The following XYLT1 variants were observed in gnomAD, a reference collection of about 807,000 sequenced individuals.
XYLT1 encodes xylosyltransferase 1.
In XYLT1, 36 loss-of-function variants were observed where a neutral mutation model predicts 91.3. The observed-to-expected ratio is 0.39, with a 90% CI of 0.30 to 0.52. XYLT1 has a LOEUF of 0.52. Among genes scored for constraint, XYLT1 ranks in the 20% least tolerant of loss-of-function variants. The pLI is 0.68. For missense variants in XYLT1, 1,242 were observed against 1,284.5 expected, an observed-to-expected ratio of 0.97 and a Z score of 0.51; for synonymous variants, 588 against 532.0, an observed-to-expected ratio of 1.11 and a Z score of -1.45.
chr16:17,356,291 C>T (rs1480267225), intron 2 of XYLT1, among the ~76,000 whole-genome samples: 2 of 152,086 alleles, frequency 1.3e-5, no homozygotes, highest in African/African-American at 4.8e-5. Context: ...ATGAAATTTA[C>T]ATAAGGCAAA....
chr16:17,297,031 T>C (rs2034322423), intron 2 of XYLT1, among the ~76,000 whole-genome samples: 2 of 152,238 alleles, frequency 1.3e-5, no homozygotes, highest in African/African-American at 4.8e-5. Flanking sequence ...GTGACTCTTG[T>C]GAGCTAGACA....
intron 3 of XYLT1, among the ~76,000 whole-genome samples, chr16:17,233,861 C>T (rs1423649714): frequency 6.6e-6 from 1 of 152,126 alleles, no homozygotes; most frequent in Non-Finnish European, 1.5e-5. Context: ...ATAAATACCA[C>T]CAGTGTATGA....
intron 3 of XYLT1, among the ~76,000 whole-genome samples, chr16:17,232,105 A>G (rs1441000107): frequency 6.8e-6 from 1 of 146,042 alleles, no homozygotes; most frequent in Non-Finnish European, 1.5e-5. Context: ...TATTATATAT[A>G]ATCGATAATT....
At chr16:17,441,682 T>C (rs926920341) in intron 1 of XYLT1, among the ~76,000 whole-genome samples, 42 of 152,154 alleles carry the variant, frequency 2.8e-4, no homozygotes, top group African/African-American at 9.9e-4. Flanking sequence ...GTACTCTAAG[T>C]AGCAATCGCA....
At chr16:17,229,770 G>A (rs2033131121) in intron 3 of XYLT1, among the ~76,000 whole-genome samples, 1 of 152,204 alleles carries the variant, frequency 6.6e-6, no homozygotes. Context: ...AAAAAAATAA[G>A]CTGTATGTGA....
At chr16:17,162,573 G>A (rs564460362) in intron 5 of XYLT1, among the ~76,000 whole-genome samples, 365 of 152,242 alleles carry the variant, frequency 2.4e-3, no homozygotes, top group Non-Finnish European at 4.4e-3. Flanking sequence ...AAATGATAGT[G>A]AATGAACGAG....
intron 3 of XYLT1, among the ~76,000 whole-genome samples, chr16:17,207,811 G>A (rs914933498): frequency 1.3e-5 from 2 of 152,144 alleles, no homozygotes; most frequent in South Asian, 2.1e-4. Flanking sequence ...GGGGTGGAGG[G>A]GATGTGAACT....
intron 5 of XYLT1, among the ~76,000 whole-genome samples, chr16:17,173,378 G>A (rs753378986): frequency 1.3e-5 from 2 of 152,230 alleles, no homozygotes; most frequent in Non-Finnish European, 2.9e-5. Context: ...TCTGAGAATG[G>A]AGCTTTGGTG....
At chr16:17,422,378 T>C (rs2036260973) in intron 1 of XYLT1, among the ~76,000 whole-genome samples, 1 of 152,146 alleles carries the variant, frequency 6.6e-6, no homozygotes. Context: ...TTAAAATTTT[T>C]CATAGAGATG....
intron 10 of XYLT1, among the ~76,000 whole-genome samples, chr16:17,126,129 G>A (rs1482892361): frequency 6.6e-6 from 1 of 152,198 alleles, no homozygotes; most frequent in African/African-American, 2.4e-5. Context: ...AGGGCTCTCT[G>A]CATCACATGC....
At chr16:17,207,055 T>TCTTTC (rs58892734) in intron 3 of XYLT1, among the ~76,000 whole-genome samples, 13 of 122,788 alleles carry the variant, frequency 1.1e-4, no homozygotes, top group African/African-American at 4.1e-4. Flanking sequence ...TTTCTTTCTT[T>TCTTTC]TTTTTTTTTT....
intron 1 of XYLT1, among the ~76,000 whole-genome samples, chr16:17,444,866 A>G (rs1421158775): frequency 6.6e-6 from 1 of 152,082 alleles, no homozygotes; most frequent in African/African-American, 2.4e-5. Flanking sequence ...ATGAATGGAT[A>G]AAGGGCAGAC....
intron 1 of XYLT1, among the ~76,000 whole-genome samples, chr16:17,418,956 C>T (rs1482707104): frequency 6.6e-6 from 1 of 151,644 alleles, no homozygotes; most frequent in Non-Finnish European, 1.5e-5. Context: ...CTGCTGTAGG[C>T]GATATCTAAA....
At chr16:17,181,362 G>A (rs1468688893) in intron 5 of XYLT1, among the ~76,000 whole-genome samples, 1 of 152,138 alleles carries the variant, frequency 6.6e-6, no homozygotes, top group Non-Finnish European at 1.5e-5. Context: ...AATATAAGAG[G>A]AAGAAAGAAG....
intron 11 of XYLT1, among the ~76,000 whole-genome samples, chr16:17,109,524 G>A (rs1293723578): frequency 1.3e-5 from 2 of 152,120 alleles, no homozygotes; most frequent in African/African-American, 4.8e-5. Context: ...ATTTCAGGCA[G>A]TGATAAGTGT....
intron 3 of XYLT1, among the ~76,000 whole-genome samples, chr16:17,229,864 G>A (rs766650810): frequency 1.1e-4 from 17 of 152,228 alleles, no homozygotes; most frequent in Non-Finnish European, 2.1e-4. Context: ...TACAGTCTCT[G>A]CAGATATAAT....
At chr16:17,321,980 CA>C (rs2034731280) in intron 2 of XYLT1, among the ~76,000 whole-genome samples, 1 of 152,152 alleles carries the variant, frequency 6.6e-6, no homozygotes. Context: ...GGGAACTTAT[CA>C]TCACTGAGTT....
chr16:17,124,799 T>A (rs1382665649), intron 10 of XYLT1, among the ~76,000 whole-genome samples: 2 of 21,538 alleles, frequency 9.3e-5, no homozygotes, highest in Non-Finnish European at 3.4e-4. Context: ...TTTTAAAAAT[T>A]CTTTTTTGTG....
intron 10 of XYLT1, among the ~76,000 whole-genome samples, chr16:17,125,837 T>G (rs1198035384): frequency 6.6e-6 from 1 of 152,120 alleles, no homozygotes; most frequent in Non-Finnish European, 1.5e-5. Context: ...TTCACCACAA[T>G]CCCTCCTGAA....
Sources: gnomAD v4.1 joint callset for allele counts (sites outside exome capture counted in the v4.1 genomes callset) on GRCh38, gnomAD v4.1.1 for gene constraint, MANE v1.5 for transcripts, NCBI Gene and HGNC (gene_info 2026-07-23, HGNC 2026-07-21) for gene names.